The following ZDHHC21 variants were observed in gnomAD, a reference collection of about 807,000 sequenced individuals.
The protein encoded by ZDHHC21 is zDHHC palmitoyltransferase 21, also known as palmitoyltransferase ZDHHC21.
ZDHHC21 carries 15 observed loss-of-function variants against 34.6 expected under a neutral mutation model. That is an observed-to-expected ratio of 0.43 (90% CI 0.29 to 0.67). The LOEUF (loss-of-function observed/expected upper bound fraction) is 0.67, where lower values mean the gene tolerates loss of function less well. Ranked by LOEUF, ZDHHC21 falls within the 30% of genes least tolerant of loss-of-function variation. The pLI, the probability that ZDHHC21 is intolerant of heterozygous loss-of-function variation, is 0.14. For synonymous variants in ZDHHC21, 142 were observed against 101.8 expected (o/e 1.40, Z -2.38); for missense variants, 344 against 327.7 (o/e 1.05, Z -0.38).
At chr9:14,589,557 C>G in the ZDHHC21 span, 10,664 of 152,052 alleles carry the variant, frequency 0.07, 425 homozygotes, top group Admixed American at 0.12. Context: ...CAGAAATCTT[C>G]ATGAGATCTC....
intron 8 of ZDHHC21, among the ~76,000 whole-genome samples, chr9:14,628,269 C>G (rs1015078403): frequency 2.6e-5 from 4 of 152,110 alleles, no homozygotes; most frequent in African/African-American, 9.7e-5. Flanking sequence ...AGATAATCTA[C>G]TCTTGCTAGG....
rs1032382000 is a variant in ZDHHC21 at position 14,664,638 on chromosome 9, C to T, written c.254-2312G>A. Among the ~76,000 whole-genome samples the T allele has an allele frequency of 9.0e-4, 135 of 150,678 alleles. 1 individual carries two copies. The highest frequency in any genetic ancestry group is 1.5e-3 in the Non-Finnish European group (102 of 67,434). ...GCTTTGAAGAGAGCAGTGGTTCTCC[C>T]TGCACGCAGCTGGAGATCTGAGAAC... On this transcript the variant is annotated intron_variant, in intron 5 of 9. Coordinates refer to ENST00000380916, the MANE Select transcript of ZDHHC21 (RefSeq NM_178566.6).
At chr9:14,598,453 T>C in the ZDHHC21 span, among the ~76,000 whole-genome samples, 6 of 152,146 alleles carry the variant, frequency 3.9e-5, no homozygotes, top group Non-Finnish European at 5.9e-5. Flanking sequence ...TAGGAAAAAG[T>C]ATTTCCCTAT....
intron 2 of ZDHHC21, among the ~76,000 whole-genome samples, chr9:14,686,027 G>A (rs1040228124): frequency 4.6e-5 from 7 of 151,824 alleles, no homozygotes; most frequent in Admixed American, 3.3e-4. Flanking sequence ...GACACAGGAA[G>A]GGGAACATCA....
the ZDHHC21 span, among the ~76,000 whole-genome samples, chr9:14,603,569 GA>G: frequency 3.3e-5 from 5 of 152,082 alleles, no homozygotes; most frequent in Non-Finnish European, 7.4e-5. Flanking sequence ...GAAAGATTTG[GA>G]TTCAACCACT....
intron 5 of ZDHHC21, among the ~76,000 whole-genome samples, chr9:14,672,383 A>G (rs928264779): frequency 1.3e-5 from 2 of 152,118 alleles, no homozygotes; most frequent in Non-Finnish European, 2.9e-5. Context: ...ACCAAAAAGT[A>G]CATTATGACT....
intron 8 of ZDHHC21, among the ~76,000 whole-genome samples, chr9:14,634,966 T>A (rs1487495822): frequency 6.6e-6 from 1 of 151,970 alleles, no homozygotes; most frequent in Non-Finnish European, 1.5e-5. Context: ...CAGATCTGAA[T>A]GAGGAATTTA....
intron 7 of ZDHHC21, among the ~76,000 whole-genome samples, chr9:14,642,236 T>C (rs2133735746): frequency 6.6e-6 from 1 of 152,314 alleles, no homozygotes; most frequent in African/African-American, 2.4e-5. Flanking sequence ...AAAACAACTG[T>C]ATTCCAAGTT....
At chr9:14,683,110 A>G (rs1024734500) in intron 2 of ZDHHC21, among the ~76,000 whole-genome samples, 1 of 152,148 alleles carries the variant, frequency 6.6e-6, no homozygotes, top group Non-Finnish European at 1.5e-5. Context: ...ACACCCTAAC[A>G]TCACAATTAA....
At chr9:14,610,170 A>T (rs1823155983), downstream of ZDHHC21, among the ~76,000 whole-genome samples, 1 of 152,060 alleles carries the variant, frequency 6.6e-6, no homozygotes. Flanking sequence ...AATACTGATA[A>T]ACATAACTTA....
chr9:14,673,071 T>C (rs1232156132), intron 4 of ZDHHC21, 143 bp from the exon 5 acceptor site: 2 of 494,864 alleles, frequency 4.0e-6, no homozygotes, highest in African/African-American at 1.9e-5. Flanking sequence ...AAATAATTGA[T>C]TTCACTCACC....
At chr9:14,642,761 G>A (rs1223120933) in intron 7 of ZDHHC21, among the ~76,000 whole-genome samples, 1 of 152,178 alleles carries the variant, frequency 6.6e-6, no homozygotes, top group Non-Finnish European at 1.5e-5. Context: ...GTAGCCTACA[G>A]AATGTGAGAA....
At chr9:14,653,008 G>A (rs1831504836) in intron 7 of ZDHHC21, among the ~76,000 whole-genome samples, 2 of 151,932 alleles carry the variant, frequency 1.3e-5, no homozygotes, top group African/African-American at 2.4e-5. Flanking sequence ...CAGTCTGGCT[G>A]ACAGAAGAAC....
chr9:14,597,248 C>G, the ZDHHC21 span, among the ~76,000 whole-genome samples: 1 of 152,136 alleles, frequency 6.6e-6, no homozygotes, highest in Non-Finnish European at 1.5e-5. Flanking sequence ...GCCCAACACC[C>G]TCTCTATCTC....
chr9:14,627,582 G>A lies in ZDHHC21; in HGVS notation c.622-7900C>T, dbSNP rs537148660. On this transcript the variant is annotated intron_variant, in intron 8 of 9. Coordinates refer to ENST00000380916, the MANE Select transcript of ZDHHC21 (RefSeq NM_178566.6). ...CACCACAACTGAGAAAATCTCCAGAGACATCATCAAAAGCTTACACTATTA... is the reference window on the plus strand; with the variant it reads ...CACCACAACTGAGAAAATCTCCAGAAACATCATCAAAAGCTTACACTATTA... Among the ~76,000 whole-genome samples the A allele has an allele frequency of 1.2e-4, 19 of 152,112 alleles. No individual in the cohort carries two copies. The South Asian group carries it at 3.9e-3, about 32-fold the overall frequency.
intron 3 of ZDHHC21, among the ~76,000 whole-genome samples, chr9:14,675,848 G>C (rs1180354077): frequency 1.3e-5 from 2 of 151,878 alleles, no homozygotes; most frequent in Admixed American, 6.6e-5. Flanking sequence ...AGTCTTAGAA[G>C]GTTAGTAAAA....
intron 8 of ZDHHC21, among the ~76,000 whole-genome samples, chr9:14,621,569 G>T (rs1825309441): frequency 6.6e-6 from 1 of 152,066 alleles, no homozygotes; most frequent in African/African-American, 2.4e-5. Context: ...TTATGAGTAG[G>T]ATTTGTGAGG....
At chr9:14,655,728 A>G (rs1832088039) in intron 7 of ZDHHC21, among the ~76,000 whole-genome samples, 1 of 151,882 alleles carries the variant, frequency 6.6e-6, no homozygotes, top group Non-Finnish European at 1.5e-5. Flanking sequence ...TTTTTAAATT[A>G]GAAATTCCAA....
chr9:14,604,787 AC>A, the ZDHHC21 span, among the ~76,000 whole-genome samples: 1 of 152,196 alleles, frequency 6.6e-6, no homozygotes, highest in Non-Finnish European at 1.5e-5. Flanking sequence ...ATAGTGCAGT[AC>A]TATAAGCATA....
Sources: gnomAD v4.1 joint callset for allele counts (sites outside exome capture counted in the v4.1 genomes callset) on GRCh38, gnomAD v4.1.1 for gene constraint, MANE v1.5 for transcripts, NCBI Gene and HGNC (gene_info 2026-07-23, HGNC 2026-07-21) for gene names.